The following UQCR10 variants were observed in gnomAD, a reference collection of about 807,000 sequenced individuals.
UQCR10 encodes cytochrome b-c1 complex subunit 9.
A neutral mutation model predicts 6.0 loss-of-function variants in UQCR10; 5 were observed. That is an observed-to-expected ratio of 0.83 (90% CI 0.43 to 1.74). The LOEUF (loss-of-function observed/expected upper bound fraction) is 1.74, where lower values mean the gene tolerates loss of function less well. UQCR10 is among the 40% of genes most tolerant of loss of function. The pLI, the probability that UQCR10 is intolerant of heterozygous loss-of-function variation, is 0.02. For synonymous variants in UQCR10, 40 were observed against 37.4 expected, an observed-to-expected ratio of 1.07 and a Z score of -0.26; for missense variants, 101 against 85.1, an observed-to-expected ratio of 1.19 and a Z score of -0.74.
rs375020636 is a variant in UQCR10 at position 29,767,398 on chromosome 22, C to G, written c.-1C>G. 84 of 1,612,560 alleles carry G rather than the reference C, an allele frequency of 5.2e-5. No individual in the cohort carries two copies. The highest frequency in any genetic ancestry group is 1.8e-4 in the Middle Eastern group (1 of 5,536). ...TGGCGCGAGTTGGACTGTGAAGAAA[C>G]ATGGCGGCCGCGACGTTGACTTCGA... On this transcript the variant is annotated 5_prime_UTR_variant, in exon 1 of 2. Transcript: ENST00000330029.
At chr22:29,768,658 A>C (rs2068243446) in intron 1 of UQCR10, among the ~76,000 whole-genome samples, 1 of 150,126 alleles carries the variant, frequency 6.7e-6, no homozygotes, top group African/African-American at 2.5e-5. Flanking sequence ...ACAGGATCTC[A>C]CTCTGTCGCC....
In UQCR10 at chr22:29,769,841, T is replaced by C. The variant is rs1331486845; in HGVS notation, c.*122T>C. The C allele has an allele frequency of 8.4e-6, 10 of 1,185,098 alleles. No individual in the cohort carries two copies. The highest frequency in any genetic ancestry group is 3.1e-5 in the African/African-American group (2 of 65,364). 73.4% of individuals were successfully genotyped at this position (1,185,098 alleles called of 1,614,324 possible). On this transcript the variant is annotated 3_prime_UTR_variant, in exon 2 of 2. Coordinates refer to ENST00000330029, the MANE Select transcript of UQCR10 (RefSeq NM_013387.4). ...ACTCTTCATGGACCACCATTCGCTG[T>C]TGGCAAGAAACGGCTTTACTTACAA...
rs1485641529 is a variant in UQCR10, at chr22:29,770,151, T to G, written c.*432T>G. 1 of 361,266 alleles carries G rather than the reference T, an allele frequency of 2.8e-6. No homozygotes were observed. Among genetic ancestry groups the G allele is most frequent in the Non-Finnish European group, 5.4e-6 (1 of 184,826 alleles). 22.4% of individuals were successfully genotyped at this position (361,266 alleles called of 1,614,324 possible). A position where few individuals can be genotyped will look rare whatever the true frequency, so the allele number is the denominator to read the frequency against. On this transcript the variant is annotated 3_prime_UTR_variant, in exon 2 of 2. Transcript: ENST00000330029. ...CAACTTTGGCTTCTAAGCCAGTAAT[T>G]CCATTCTTAAATACCTCACTGTCTT...
intron 1 of UQCR10, among the ~76,000 whole-genome samples, chr22:29,767,977 C>G (rs2068235863): frequency 1.3e-5 from 2 of 152,184 alleles, no homozygotes; most frequent in Admixed American, 1.3e-4. Flanking sequence ...GCTGAAGTTT[C>G]AGACGGCGCT....
Position 29,767,668 on chromosome 22 carries a change from T to C in UQCR10, c.150+120T>C, listed in dbSNP as rs180878075. On this transcript the variant is annotated intron_variant, in intron 1 of 1. Coordinates refer to ENST00000330029, the MANE Select transcript of UQCR10 (RefSeq NM_013387.4). ...GGGTAAGGGGTAAACCGTCGGCGTC[T>C]TCTGTCTCGAGTCCGCCGTCTGTCC... is the stretch of plus-strand genomic sequence containing the variant. The C allele has an allele frequency of 5.3e-3, 7,449 of 1,412,292 alleles. 27 individuals carry two copies. Among genetic ancestry groups the C allele is most frequent in the Non-Finnish European group, 6.5e-3 (6,942 of 1,062,498 alleles). The allele number at this position is 1,412,292 out of a possible 1,614,324, so 87.5% of individuals were successfully genotyped here.
In UQCR10 at chr22:29,767,403, C is replaced by G. The variant is rs1190765049; in HGVS notation, c.5C>G (p.Ala2Gly). The G allele has an allele frequency of 6.2e-7, 1 of 1,612,518 alleles. No homozygotes were observed. Among genetic ancestry groups the G allele is most frequent in the East Asian group, 2.2e-5 (1 of 44,822 alleles). Residue 2 changes from alanine to glycine, a missense_variant, in exon 1 of 2, where the codon GCG becomes GGG. Ala to Gly is a moderately conservative substitution (Grantham distance 60). Transcript: ENST00000330029. M[A>G]AATLTSKLYS... ...CGAGTTGGACTGTGAAGAAACATGG[C>G]GGCCGCGACGTTGACTTCGAAATTG...
At position 29,767,482 on chromosome 22, in the gene UQCR10, C is replaced by A; in HGVS notation, c.84C>A (p.Gly28=). ...TSTFALTIIV[G]VMFFERAFDQ... is the part of the protein sequence containing the mutation. Reference sequence around the variant, plus strand: ...CCTTCGCCCTCACCATCATCGTGGGCGTCATGTTCTTCGAGCGCGCCTTCG... The same window carrying A: ...CCTTCGCCCTCACCATCATCGTGGGAGTCATGTTCTTCGAGCGCGCCTTCG... The change falls in exon 1 of 2, where the codon GGC becomes GGA. Residue 28 remains glycine, a synonymous_variant. Coordinates refer to ENST00000330029, the MANE Select transcript of UQCR10 (RefSeq NM_013387.4). 1 of 1,614,014 alleles carries A rather than the reference C, an allele frequency of 6.2e-7. No homozygotes were observed. The highest frequency in any genetic ancestry group is 8.5e-7 in the Non-Finnish European group (1 of 1,179,894).
At chr22:29,768,749 C>T (rs1199667791) in intron 1 of UQCR10, among the ~76,000 whole-genome samples, 1 of 152,158 alleles carries the variant, frequency 6.6e-6, no homozygotes, top group Non-Finnish European at 1.5e-5. Context: ...ACCTCAGCCT[C>T]CTGAGTAGCT....
intron 1 of UQCR10, among the ~76,000 whole-genome samples, chr22:29,768,392 A>T (rs1172837002): frequency 3.9e-5 from 6 of 152,174 alleles, no homozygotes; most frequent in African/African-American, 9.7e-5. Context: ...TTATACATAT[A>T]GCCCTGTTCC....
At chr22:29,767,753 G>A (rs2068233758) in intron 1 of UQCR10, 2 of 840,588 alleles carry the variant, frequency 2.4e-6, no homozygotes, top group Admixed American at 6.3e-5. Flanking sequence ...ATTTTGCAGG[G>A]GTTGTAAGTA....
At chr22:29,768,639 T>TTTTTTG in intron 1 of UQCR10, among the ~76,000 whole-genome samples, 1 of 150,798 alleles carries the variant, frequency 6.6e-6, no homozygotes, top group Non-Finnish European at 1.5e-5. Context: ...TTTGTTTTGT[T>TTTTTTG]TTTTTGAGAC....
chr22:29,769,612 G>A (rs2068249127), intron 1 of UQCR10, 66 bp from the exon 2 acceptor site: 1 of 1,528,002 alleles, frequency 6.5e-7, no homozygotes, highest in Non-Finnish European at 8.9e-7. Context: ...GACCAGGGCA[G>A]TGGGAGTAGT....
chr22:29,768,931 G>A (rs971341471), intron 1 of UQCR10, among the ~76,000 whole-genome samples: 6 of 152,144 alleles, frequency 3.9e-5, no homozygotes, highest in Admixed American at 3.9e-4. Flanking sequence ...TCAACCTCTT[G>A]TGCTTCTGGG....
intron 1 of UQCR10, 122 bp downstream of exon 1, chr22:29,767,670 C>T: frequency 1.4e-6 from 2 of 1,394,028 alleles, no homozygotes; most frequent in Middle Eastern, 3.7e-4. Flanking sequence ...TCGGCGTCTT[C>T]TGTCTCGAGT....
At chr22:29,769,545 A>C (rs930857043) in intron 1 of UQCR10, 133 bp from the exon 2 acceptor site, 20 of 1,016,764 alleles carry the variant, frequency 2.0e-5, no homozygotes, top group Non-Finnish European at 2.3e-5. Context: ...TTTGCCCACC[A>C]CAAGTGTATC....
chr22:29,770,229 G>C lies in UQCR10; in HGVS notation c.*510G>C, dbSNP rs1270630980. 2.9e-6 allele frequency: 1 copy of C among 346,660 alleles called. No individual in the cohort carries two copies. Among genetic ancestry groups the C allele is most frequent in the Non-Finnish European group, 5.7e-6 (1 of 176,144 alleles). The allele number at this position is 346,660 out of a possible 1,614,324, so 21.5% of individuals were successfully genotyped here. ...CTGGGGGAAAGACCCTGGCCTAGGG[G>C]TCTTAGCCACTCCCCACCCTAGGGT... On this transcript the variant is annotated 3_prime_UTR_variant, in exon 2 of 2. Transcript: ENST00000330029.
At chr22:29,767,891 T>C (rs1217648075) in intron 1 of UQCR10, among the ~76,000 whole-genome samples, 2 of 152,134 alleles carry the variant, frequency 1.3e-5, no homozygotes, top group Non-Finnish European at 2.9e-5. Context: ...ACGGGACCCC[T>C]GTCTCTCAGA....
intron 1 of UQCR10, among the ~76,000 whole-genome samples, chr22:29,768,246 T>C (rs1319372704): frequency 1.3e-5 from 2 of 152,142 alleles, no homozygotes; most frequent in African/African-American, 2.4e-5. Flanking sequence ...AAAATAATCA[T>C]TGCTTACATT....
intron 1 of UQCR10, among the ~76,000 whole-genome samples, chr22:29,768,637 G>T (rs140137): frequency 0.49 from 66,207 of 134,604 alleles, 15,017 homozygotes; most frequent in East Asian, 0.66. Context: ...GTTTTGTTTT[G>T]TTTTTTTGAG....
Sources: gnomAD v4.1 joint callset for allele counts (sites outside exome capture counted in the v4.1 genomes callset) on GRCh38, gnomAD v4.1.1 for gene constraint, MANE v1.5 for transcripts, NCBI Gene and HGNC (gene_info 2026-07-23, HGNC 2026-07-21) for gene names.